GUK1: variants seen among roughly 807,000 people sequenced by gnomAD.
GUK1 encodes the protein guanylate kinase.
Under a neutral mutation model 25.2 loss-of-function variants are expected in GUK1, and 18 were observed. The observed-to-expected ratio is 0.71, with a 90% CI of 0.49 to 1.06. GUK1 has a LOEUF of 1.06. Among genes scored for constraint, GUK1 ranks in the 50% least tolerant of loss-of-function variants. GUK1 has a pLI of 0.00. For synonymous variants in GUK1, 105 were observed against 117.6 expected (o/e 0.89, Z 0.69); for missense variants, 261 against 276.7 (o/e 0.94, Z 0.40).
intron 7 of GUK1, 80 bp from the exon 7 acceptor site, chr1:228,148,291 G>A (rs770578809): frequency 1.0e-6 from 1 of 991,072 alleles, no homozygotes; most frequent in Non-Finnish European, 1.6e-6. Context: ...GCAGGCCAGT[G>A]GGCTGCTCTG....
chr1:228,140,499 G>A (rs2033982089), intron 1 of GUK1, 136 bp downstream of exon 1: 1 of 684,398 alleles, frequency 1.5e-6, no homozygotes, highest in Non-Finnish European at 2.3e-6. Context: ...TCAACTGTGG[G>A]CCCTGAGAAC....
chr1:228,141,688 C>G, intron 2 of GUK1: 1 of 1,282,028 alleles, frequency 7.8e-7, no homozygotes, highest in Admixed American at 2.5e-5. Flanking sequence ...AGTGCCTTTC[C>G]AGGAAAGCGG....
At chr1:228,144,563 G>A (rs1274118332) in intron 2 of GUK1, 4 of 182,250 alleles carry the variant, frequency 2.2e-5, no homozygotes, top group Admixed American at 6.5e-5. Context: ...CTGCACAGCC[G>A]CAGAGCAGGT....
chr1:228,140,941 T>C (rs1026778241), intron 1 of GUK1, among the ~76,000 whole-genome samples: 2 of 152,228 alleles, frequency 1.3e-5, no homozygotes, highest in Non-Finnish European at 1.5e-5. Flanking sequence ...CTGCCATTCT[T>C]GAGCGTCGCC....
At chr1:228,146,276 C>T (rs574573741) in intron 4 of GUK1, 225 of 566,670 alleles carry the variant, frequency 4.0e-4, no homozygotes, top group African/African-American at 3.6e-3. Context: ...TGTGAGAGGC[C>T]GGCCAAGGCC....
chr1:228,147,087 C>A, intron 5 of GUK1, 149 bp downstream of exon 4: 1 of 670,490 alleles, frequency 1.5e-6, no homozygotes, highest in Non-Finnish European at 2.7e-6. Flanking sequence ...GCTCCCACGT[C>A]TGTGGCCCAC....
rs779615150 is a variant in GUK1 at position 228,148,394 on chromosome 1, G to A, written c.499G>A (p.Val167Met). 8 of 1,555,108 alleles carry A rather than the reference G, an allele frequency of 5.1e-6. No homozygotes were observed. In the Admixed American group the frequency reaches 5.6e-5, roughly 11 times the overall value. Reference sequence around the variant, plus strand: ...AGGCAAGGAGCCCGGCCTGTTTGATGTGGTCATCATTAACGACAGCCTGGA... The same window carrying A: ...AGGCAAGGAGCCCGGCCTGTTTGATATGGTCATCATTAACGACAGCCTGGA... Residue 167 changes from valine to methionine, a missense_variant, in exon 8 of 9, where the codon GTG (valine) becomes ATG (methionine). Val to Met is a conservative substitution (Grantham distance 21). Transcript: ENST00000312726.
rs2034471109 is a variant in GUK1, at chr1:228,147,791, T to A, written c.475+92T>A. The A allele has an allele frequency of 3.7e-6, 4 of 1,069,630 alleles. No individual in the cohort carries two copies. In the East Asian group the frequency reaches 1.0e-4, roughly 27 times the overall value. The allele number at this position is 1,069,630 out of a possible 1,614,324, so 66.3% of individuals were successfully genotyped here. The stretch of plus-strand genomic sequence containing the variant: ...CAGGGACCCTGTGGGTCCCCAGACC[T>A]CCTGACACCTGGAGTCCCTGTGAGG... On this transcript the variant is annotated intron_variant, in intron 7 of 8. Coordinates refer to ENST00000312726, the MANE Select transcript of GUK1 (RefSeq NM_000858.7).
chr1:228,145,338 C>G, intron 2 of GUK1, 173 bp from the exon 2 acceptor site: 1 of 614,902 alleles, frequency 1.6e-6, no homozygotes, highest in South Asian at 2.5e-5. Flanking sequence ...CCGGCCCTTC[C>G]AACGTGGCAG....
Position 228,140,342 on chromosome 1 carries a change from C to A in GUK1, c.-189C>A. The A allele has an allele frequency of 2.0e-6, 3 of 1,526,304 alleles. No homozygotes were observed. The highest frequency in any genetic ancestry group is 2.1e-5 in the Admixed American group (1 of 48,534). 94.5% of individuals were successfully genotyped at this position (1,526,304 alleles called of 1,614,324 possible). A position where few individuals can be genotyped will look rare whatever the true frequency, so the allele number is the denominator to read the frequency against. ...GCTGGCCGGGCTGGCTGCGGCCGCC[C>A]TGGGCCGGGCCCCACCGGACGGTGA... On this transcript the variant is annotated 5_prime_UTR_variant, in exon 1 of 9. Coordinates refer to ENST00000312726, the MANE Select transcript of GUK1 (RefSeq NM_000858.7).
intron 8 of GUK1, 97 bp downstream of exon 7, chr1:228,148,553 G>A (rs2034533083): frequency 1.5e-6 from 2 of 1,375,368 alleles, no homozygotes; most frequent in African/African-American, 2.9e-5. Flanking sequence ...AGATGGGACA[G>A]TCCTACCCAA....
chr1:228,142,132 C>T (rs1028236653), intron 2 of GUK1, among the ~76,000 whole-genome samples: 13 of 84,890 alleles, frequency 1.5e-4, no homozygotes, highest in African/African-American at 2.1e-4. Context: ...TGTGCCTCCG[C>T]CCTGTCTCCA....
At chr1:228,145,687 C>T (rs1416489304) in intron 3 of GUK1, 63 bp downstream of exon 2, 18 of 1,558,810 alleles carry the variant, frequency 1.2e-5, no homozygotes, top group South Asian at 2.4e-5. Flanking sequence ...GTCCTAGCAC[C>T]GTGAGCAGGC....
intron 3 of GUK1, 23 bp downstream of exon 2, chr1:228,145,647 G>A: frequency 6.2e-7 from 1 of 1,608,062 alleles, no homozygotes; most frequent in Non-Finnish European, 8.5e-7. Context: ...CTCTCGTGGA[G>A]GGGTGCGTAG....
chr1:228,147,997 T>G, intron 7 of GUK1: 1 of 581,812 alleles, frequency 1.7e-6, no homozygotes. Context: ...CCCAACCTTC[T>G]AGCCCCGGGG....
intron 2 of GUK1, chr1:228,141,737 C>T (rs769901733): frequency 8.3e-6 from 11 of 1,324,874 alleles, no homozygotes; most frequent in Middle Eastern, 2.2e-4. Context: ...AGGGAGCGTT[C>T]TGGCAGAGAC....
intron 7 of GUK1, 40 bp downstream of exon 6, chr1:228,147,739 G>C: frequency 1.3e-6 from 2 of 1,582,174 alleles, no homozygotes; most frequent in Middle Eastern, 1.7e-4. Context: ...GCCAGGAGGG[G>C]AGTCAGGGTT....
chr1:228,141,550 G>C, intron 2 of GUK1: 4 of 785,106 alleles, frequency 5.1e-6, no homozygotes, highest in South Asian at 7.2e-5. Flanking sequence ...GAATTCTCTC[G>C]GTTCTCAGAA....
chr1:228,144,632 G>T (rs913645473), intron 2 of GUK1: 3 of 720,962 alleles, frequency 4.2e-6, no homozygotes, highest in Non-Finnish European at 5.1e-6. Flanking sequence ...TTTATTCGTG[G>T]CTTAGAAGGG....
Sources: allele counts gnomAD v4.1 joint callset (sites outside exome capture counted in the v4.1 genomes callset), GRCh38; gene constraint gnomAD v4.1.1; transcripts MANE v1.5; gene names NCBI Gene and HGNC (gene_info 2026-07-23, HGNC 2026-07-21).